REV3L: variants seen among roughly 807,000 people sequenced by gnomAD.
The protein encoded by REV3L is REV3 like, DNA directed polymerase zeta catalytic subunit.
REV3L carries 69 observed loss-of-function variants against 299.4 expected under a neutral mutation model. The observed-to-expected ratio is 0.23, with a 90% CI of 0.19 to 0.28. The LOEUF is 0.28. REV3L is among the 10% of genes least tolerant of loss of function. The pLI, the probability that REV3L is intolerant of heterozygous loss-of-function variation, is 1.00. For missense variants in REV3L, 3,128 were observed against 3,693.8 expected, an observed-to-expected ratio of 0.85 and a Z score of 3.97; for synonymous variants, 1,238 against 1,271.4, an observed-to-expected ratio of 0.97 and a Z score of 0.56.
chr6:111,425,332 A>T (rs1246469883), intron 1 of REV3L, among the ~76,000 whole-genome samples: 1 of 152,076 alleles, frequency 6.6e-6, no homozygotes, highest in Non-Finnish European at 1.5e-5. Flanking sequence ...GGTGGCGGGC[A>T]CCTGTAGTCC....
At chr6:111,355,957 A>G (rs2114969535) in intron 18 of REV3L, among the ~76,000 whole-genome samples, 1 of 152,242 alleles carries the variant, frequency 6.6e-6, no homozygotes, top group African/African-American at 2.4e-5. Flanking sequence ...GTAGTAGCAT[A>G]CTATTTTTGA....
At chr6:111,334,240 C>T (rs1022698544) in intron 22 of REV3L, among the ~76,000 whole-genome samples, 3 of 152,136 alleles carry the variant, frequency 2.0e-5, no homozygotes, top group African/African-American at 7.2e-5. Flanking sequence ...ACCTGGCCCT[C>T]TTTGTATTTA....
chr6:111,307,131 T>C (rs1772398356), intron 31 of REV3L, among the ~76,000 whole-genome samples: 1 of 152,154 alleles, frequency 6.6e-6, no homozygotes, highest in Non-Finnish European at 1.5e-5. Flanking sequence ...TTGTTGTAGC[T>C]ATTAAGAAAC....
chr6:111,358,789 G>T, intron 17 of REV3L, 33 bp downstream of exon 17: 1 of 1,513,416 alleles, frequency 6.6e-7, no homozygotes, highest in Non-Finnish European at 9.1e-7. Context: ...CCCTAGAGTG[G>T]GCAGGTATAT....
intron 4 of REV3L, among the ~76,000 whole-genome samples, chr6:111,405,097 AG>A (rs1783488887): frequency 6.6e-6 from 1 of 152,128 alleles, no homozygotes; most frequent in South Asian, 2.1e-4. Context: ...AGTAACATTA[AG>A]GTCTGAGGTT....
intron 4 of REV3L, among the ~76,000 whole-genome samples, chr6:111,393,180 A>T (rs1782116715): frequency 6.6e-6 from 1 of 152,040 alleles, no homozygotes; most frequent in Admixed American, 6.6e-5. Context: ...CTCCAAGCGC[A>T]GCAAATTTTT....
Position 111,381,456 on chromosome 6 carries a change from A to G in REV3L, c.1097-12T>C. The G allele has an allele frequency of 6.3e-7, 1 of 1,587,312 alleles. No homozygotes were observed. The highest frequency in any genetic ancestry group is 8.5e-7 in the Non-Finnish European group (1 of 1,171,336). ...GTGTCTAGTGTGACCTTAATTTGAC[A>G]AAGAATAAAAAAAATTGAAGCAATG... On this transcript the variant is annotated splice_polypyrimidine_tract_variant and intron_variant, in intron 9 of 31. Transcript: ENST00000368802.
At chr6:111,316,224 TAAA>T (rs75805183) in intron 26 of REV3L, among the ~76,000 whole-genome samples, 12 of 104,234 alleles carry the variant, frequency 1.2e-4, no homozygotes, top group Non-Finnish European at 1.2e-4. Context: ...GGACTCCATC[TAAA>T]AAAAAAAAAA....
intron 18 of REV3L, among the ~76,000 whole-genome samples, chr6:111,356,393 A>T (rs1778088293): frequency 6.6e-6 from 1 of 152,170 alleles, no homozygotes; most frequent in Admixed American, 6.5e-5. Flanking sequence ...TATTTTTGTT[A>T]AAAATTTTTT....
rs367982039 is a variant in REV3L, at chr6:111,481,651, C to T, written c.139+1099G>A. On this transcript the variant is annotated intron_variant, in intron 1 of 31. Transcript: ENST00000368802. Reference sequence around the variant, plus strand: ...GGCAAGGAGCATCAAGTGGGAAATGCTATCTAAAATCCCATAGGGCAATTC... The same window carrying T: ...GGCAAGGAGCATCAAGTGGGAAATGTTATCTAAAATCCCATAGGGCAATTC... Among the ~76,000 whole-genome samples, 69 of 152,262 alleles carry T rather than the reference C, an allele frequency of 4.5e-4. 1 individual carries two copies. The highest frequency in any genetic ancestry group is 3.5e-3 in the East Asian group (18 of 5,176).
chr6:111,329,652 G>A lies in REV3L; in HGVS notation c.8121C>T (p.Tyr2707=). The part of the protein sequence containing the change: ...RFMVKQSMKA[Y]KQDRALSRML... ...TTCGTGACAGGGCTCTGTCTTGCTT[G>A]TAAGCCTTCATTGACTGCTTCACCA... is the stretch of plus-strand genomic sequence containing the variant. Residue 2707 remains tyrosine, a synonymous_variant, in exon 25 of 32, where the codon TAC becomes TAT. Transcript: ENST00000368802. The A allele has an allele frequency of 6.2e-7, 1 of 1,614,058 alleles. No homozygotes were observed. The highest frequency in any genetic ancestry group is 2.2e-5 in the East Asian group (1 of 44,886).
intron 9 of REV3L, among the ~76,000 whole-genome samples, chr6:111,382,388 A>C (rs1341122203): frequency 4.6e-5 from 7 of 152,194 alleles, no homozygotes; most frequent in Non-Finnish European, 1.5e-5. Flanking sequence ...CGGAGAGAGA[A>C]ATCTGTGCTT....
intron 24 of REV3L, 87 bp from the exon 25 acceptor site, chr6:111,329,825 C>A: frequency 1.0e-6 from 1 of 984,898 alleles, no homozygotes; most frequent in Non-Finnish European, 1.5e-6. Context: ...TAATAATGGC[C>A]AACTGTCAGG....
intron 1 of REV3L, chr6:111,460,395 T>C (rs1008649271): frequency 1.3e-5 from 2 of 148,202 alleles, no homozygotes; most frequent in African/African-American, 5.0e-5. Flanking sequence ...CCTGCACAGG[T>C]ACACCCGGAA....
At chr6:111,310,257 C>T (rs1772827543) in intron 29 of REV3L, 158 bp from the exon 30 acceptor site, 1 of 941,838 alleles carries the variant, frequency 1.1e-6, no homozygotes, top group East Asian at 3.0e-5. Context: ...AATATATATA[C>T]ATTTTGCTTA....
intron 26 of REV3L, among the ~76,000 whole-genome samples, chr6:111,320,286 G>A (rs1025471723): frequency 5.9e-5 from 9 of 151,468 alleles, no homozygotes; most frequent in Admixed American, 4.6e-4. Flanking sequence ...GGCTGGTCTC[G>A]AACTCCTGAC....
chr6:111,381,235 T>G, intron 10 of REV3L, 90 bp downstream of exon 10: 1 of 1,368,496 alleles, frequency 7.3e-7, no homozygotes, highest in Non-Finnish European at 1.0e-6. Context: ...CATTTACCTC[T>G]TCAAGTCAAT....
In REV3L at chr6:111,376,026, C is replaced by T; in HGVS notation, c.2329G>A (p.Glu777Lys). The part of the protein sequence containing the change: ...SGLNKLKIRY[E>K]EFQEHKTEKP... ...TCTGTTTTATGTTCTTGAAATTCTT[C>T]ATACCTAATTTTAAGTTTATTTAGT... The change falls in exon 13 of 32, where the codon GAA (glutamate) becomes AAA (lysine). Residue 777 changes from glutamate to lysine, a missense_variant. Physicochemically the swap from Glu to Lys is moderately conservative, Grantham distance 56. This residue lies in a region of REV3L where 2,409 missense variants were observed against 2,611.8 expected (regional missense o/e 0.92). Coordinates refer to ENST00000368802, the MANE Select transcript of REV3L (RefSeq NM_001372078.1). The T allele has an allele frequency of 6.2e-7, 1 of 1,613,894 alleles. No individual in the cohort carries two copies. Among genetic ancestry groups the T allele is most frequent in the Non-Finnish European group, 8.5e-7 (1 of 1,179,908 alleles).
At position 111,379,993 on chromosome 6, in the gene REV3L, A is replaced by C. The variant is rs772071033; in HGVS notation, c.1443T>G (p.Cys481Trp). The change falls in exon 11 of 32, where the codon TGT (cysteine) becomes TGG (tryptophan). Residue 481 changes from cysteine to tryptophan, a missense_variant. Transcript: ENST00000368802. ...AACTAAAAAATTACCTCTTTTTGGC[A>C]CAATGTTCTTCAATATTGCTGTCCC... ...QRWDSNIEEH[C>W]AKKRSLCRNT... is the part of the protein sequence containing the mutation. 46 of 1,607,372 alleles carry C rather than the reference A, an allele frequency of 2.9e-5. No individual in the cohort carries two copies. In the Admixed American group the frequency reaches 7.7e-4, roughly 27 times the overall value.
Sources: allele counts gnomAD v4.1 joint callset (sites outside exome capture counted in the v4.1 genomes callset), GRCh38; gene constraint gnomAD v4.1.1; regional missense constraint gnomAD v4.1.1; transcripts MANE v1.5; gene names NCBI Gene and HGNC (gene_info 2026-07-23, HGNC 2026-07-21).